OR4X1: variants seen among roughly 807,000 people sequenced by gnomAD.
The protein encoded by OR4X1 is olfactory receptor family 4 subfamily X member 1, also known as olfactory receptor 4X1.
For synonymous variants in OR4X1, 183 were observed against 142.6 expected (o/e 1.28, Z -2.02); for missense variants, 509 against 368.1 (o/e 1.38, Z -3.13).
At position 48,264,729 on chromosome 11, in the gene OR4X1, C is replaced by A. The variant is rs754972903; in HGVS notation, c.869C>A (p.Ala290Asp). The change falls in exon 1 of 1, where the codon GCT (alanine) becomes GAT (aspartate). Residue 290 changes from alanine (A) to aspartate (D), a missense_variant. By Grantham distance (126) the Ala-to-Asp change is moderately radical. Transcript: ENST00000320048. Reference sequence around the variant, plus strand: ...CCTGTGATTTACTCCTTCAGGAATGCTGAAGTGAAAAATGCCATGAGGAGA... The same window carrying A: ...CCTGTGATTTACTCCTTCAGGAATGATGAAGTGAAAAATGCCATGAGGAGA... ...LNPVIYSFRN[A>D]EVKNAMRRFI... 1.2e-6 allele frequency: 2 copies of A among 1,612,542 alleles called. No homozygotes were observed. Among genetic ancestry groups the A allele is most frequent in the South Asian group, 1.1e-5 (1 of 90,874 alleles).
At position 48,264,046 on chromosome 11, in the gene OR4X1, C is replaced by A. The variant is rs199551246; in HGVS notation, c.186C>A (p.Ser62Arg). The change falls in exon 1 of 1, where the codon AGC becomes AGA. Residue 62 changes from serine to arginine, a missense_variant. Transcript: ENST00000320048. ...CCTCCCCCATGTATTTCTTTCTCAG[C>A]TACTTATCCTTTGTGGAGATCTGCT... is the stretch of plus-strand genomic sequence containing the variant. Reference protein sequence around the residue: ...VLTSPMYFFLSYLSFVEICYC... With the variant: ...VLTSPMYFFLRYLSFVEICYC... 2 of 1,614,020 alleles carry A rather than the reference C, an allele frequency of 1.2e-6. No homozygotes were observed. The highest frequency in any genetic ancestry group is 4.5e-5 in the East Asian group (2 of 44,850).
In OR4X1 at chr11:48,263,958, A is replaced by G; in HGVS notation, c.98A>G (p.Tyr33Cys). 1 of 1,613,810 alleles carries G rather than the reference A, an allele frequency of 6.2e-7. No individual in the cohort carries two copies. The highest frequency in any genetic ancestry group is 8.5e-7 in the Non-Finnish European group (1 of 1,179,776). ...ATTTCTGTGATGTTTCTCCTCATGT[A>G]CACAGCTGTTGTGCTGGGCAATGGC... ...RVISVMFLLM[Y>C]TAVVLGNGLI... Residue 33 changes from tyrosine (Y) to cysteine (C), a missense_variant, in exon 1 of 1, where the codon TAC becomes TGC. By Grantham distance (194) the Tyr-to-Cys change is radical. Coordinates refer to ENST00000320048, the MANE Select transcript of OR4X1 (RefSeq NM_001004726.1).
chr11:48,264,320 T>C lies in OR4X1; in HGVS notation c.460T>C (p.Ser154Pro), dbSNP rs1276773989. The change falls in exon 1 of 1, where the codon TCT becomes CCT. Residue 154 changes from serine (S) to proline (P), a missense_variant. Transcript: ENST00000320048. ...AGCATGGGGCGGGGGCCTGCTGCAT[T>C]CTGTTGGGCAAACCTTCCTGATTTT... is the stretch of plus-strand genomic sequence containing the variant. ...RIAWGGGLLH[S>P]VGQTFLIFQL... 1.9e-5 allele frequency: 31 copies of C among 1,613,894 alleles called. No individual in the cohort carries two copies. The highest frequency in any genetic ancestry group is 2.6e-5 in the Non-Finnish European group (31 of 1,179,960).
Position 48,263,996 on chromosome 11 carries a change from A to G in OR4X1, c.136A>G (p.Thr46Ala), listed in dbSNP as rs1180023483. The G allele has an allele frequency of 1.2e-6, 2 of 1,613,964 alleles. No homozygotes were observed. Among genetic ancestry groups the G allele is most frequent in the East Asian group, 2.2e-5 (1 of 44,848 alleles). Residue 46 changes from threonine to alanine, a missense_variant, in exon 1 of 1, where the codon ACC (threonine) becomes GCC (alanine). Coordinates refer to ENST00000320048, the MANE Select transcript of OR4X1 (RefSeq NM_001004726.1). ...VVLGNGLIVV[T>A]ILASKVLTSP... The stretch of plus-strand genomic sequence containing the variant: ...GCTGGGCAATGGCCTCATTGTGGTG[A>G]CCATCCTGGCCAGCAAAGTGCTCAC...
Position 48,263,921 on chromosome 11 carries a change from G to C in OR4X1, c.61G>C (p.Glu21Gln). 1 of 1,613,998 alleles carries C rather than the reference G, an allele frequency of 6.2e-7. No individual in the cohort carries two copies. The change falls in exon 1 of 1, where the codon GAG (glutamate) becomes CAG (glutamine). Residue 21 changes from glutamate to glutamine, a missense_variant. Physicochemically the swap from Glu to Gln is conservative, Grantham distance 29. Coordinates refer to ENST00000320048, the MANE Select transcript of OR4X1 (RefSeq NM_001004726.1). ...IFVGFSQNWS[E>Q]QRVISVMFLL... ...CGTGGGATTTTCCCAGAATTGGAGTGAGCAGAGGGTCATTTCTGTGATGTT... is the reference window on the plus strand; with the variant it reads ...CGTGGGATTTTCCCAGAATTGGAGTCAGCAGAGGGTCATTTCTGTGATGTT...
rs773901923 is a variant in OR4X1, at chr11:48,264,695, C to T, written c.835C>T (p.Leu279Phe). The T allele has an allele frequency of 8.1e-6, 13 of 1,613,678 alleles. No individual in the cohort carries two copies. The African/African-American group carries it at 1.5e-4, about 18-fold the overall frequency. ...TGTATTTTATACAGTGGTCACACCTCTCTTAAACCCTGTGATTTACTCCTT... is the reference window on the plus strand; with the variant it reads ...TGTATTTTATACAGTGGTCACACCTTTCTTAAACCCTGTGATTTACTCCTT... ...VAVFYTVVTP[L>F]LNPVIYSFRN... Residue 279 changes from leucine to phenylalanine, a missense_variant, in exon 1 of 1, where the codon CTC (leucine) becomes TTC (phenylalanine). Physicochemically the swap from Leu to Phe is conservative, Grantham distance 22. Transcript: ENST00000320048.
rs1859323279 is a variant in OR4X1, at chr11:48,263,965, T to A, written c.105T>A (p.Ala35=). 6.2e-7 allele frequency: 1 copy of A among 1,613,860 alleles called. No homozygotes were observed. Among genetic ancestry groups the A allele is most frequent in the African/African-American group, 1.3e-5 (1 of 75,052 alleles). Residue 35 remains alanine, a synonymous_variant, in exon 1 of 1, where the codon GCT becomes GCA. Coordinates refer to ENST00000320048, the MANE Select transcript of OR4X1 (RefSeq NM_001004726.1). ...TGATGTTTCTCCTCATGTACACAGC[T>A]GTTGTGCTGGGCAATGGCCTCATTG... The part of the protein sequence containing the change: ...ISVMFLLMYT[A]VVLGNGLIVV...
In OR4X1 at chr11:48,264,742, T is replaced by A. The variant is rs1159531585; in HGVS notation, c.882T>A (p.Asn294Lys). 1 of 1,612,048 alleles carries A rather than the reference T, an allele frequency of 6.2e-7. No homozygotes were observed. The highest frequency in any genetic ancestry group is 1.7e-5 in the Admixed American group (1 of 59,814). Reference protein sequence around the residue: ...IYSFRNAEVKNAMRRFIGGKV... With the variant: ...IYSFRNAEVKKAMRRFIGGKV... ...CCTTCAGGAATGCTGAAGTGAAAAA[T>A]GCCATGAGGAGATTTATTGGGGGAA... The change falls in exon 1 of 1, where the codon AAT (asparagine) becomes AAA (lysine). Residue 294 changes from asparagine (N) to lysine (K), a missense_variant. Physicochemically the swap from Asn to Lys is moderately conservative, Grantham distance 94. Transcript: ENST00000320048.
At position 48,264,323 on chromosome 11, in the gene OR4X1, G is replaced by A. The variant is rs1439213141; in HGVS notation, c.463G>A (p.Val155Ile). 1.7e-5 allele frequency: 28 copies of A among 1,613,912 alleles called. No homozygotes were observed. Among genetic ancestry groups the A allele is most frequent in the African/African-American group, 5.3e-5 (4 of 74,900 alleles). ...ATGGGGCGGGGGCCTGCTGCATTCTGTTGGGCAAACCTTCCTGATTTTCCA... is the reference window on the plus strand; with the variant it reads ...ATGGGGCGGGGGCCTGCTGCATTCTATTGGGCAAACCTTCCTGATTTTCCA... ...IAWGGGLLHS[V>I]GQTFLIFQLP... Residue 155 changes from valine (V) to isoleucine (I), a missense_variant, in exon 1 of 1, where the codon GTT becomes ATT. Val to Ile is a conservative substitution (Grantham distance 29). Transcript: ENST00000320048.
Position 48,263,977 on chromosome 11 carries a change from C to T in OR4X1, c.117C>T (p.Gly39=). The change falls in exon 1 of 1, where the codon GGC becomes GGT. Residue 39 remains glycine (G), a synonymous_variant. Coordinates refer to ENST00000320048, the MANE Select transcript of OR4X1 (RefSeq NM_001004726.1). ...FLLMYTAVVL[G]NGLIVVTILA... ...TCATGTACACAGCTGTTGTGCTGGG[C>T]AATGGCCTCATTGTGGTGACCATCC... is the stretch of plus-strand genomic sequence containing the variant. 1 of 1,613,734 alleles carries T rather than the reference C, an allele frequency of 6.2e-7. No homozygotes were observed. Among genetic ancestry groups the T allele is most frequent in the Non-Finnish European group, 8.5e-7 (1 of 1,179,668 alleles).
chr11:48,263,900 G>A lies in OR4X1; in HGVS notation c.40G>A (p.Gly14Arg), dbSNP rs770150244. ...CAATGTGACTGAAATAATTTTCGTG[G>A]GATTTTCCCAGAATTGGAGTGAGCA... The part of the protein sequence containing the change: ...TNNVTEIIFV[G>R]FSQNWSEQRV... Residue 14 changes from glycine (G) to arginine (R), a missense_variant, in exon 1 of 1, where the codon GGA becomes AGA. Coordinates refer to ENST00000320048, the MANE Select transcript of OR4X1 (RefSeq NM_001004726.1). The A allele has an allele frequency of 2.5e-6, 4 of 1,613,558 alleles. No individual in the cohort carries two copies. The East Asian group carries it at 6.7e-5, about 27-fold the overall frequency.
In OR4X1 at chr11:48,264,692, CCTCT is replaced by C. The variant is rs750417998; in HGVS notation, c.835_838del (p.Leu279Ter). On this transcript the variant is annotated frameshift_variant, in exon 1 of 1. Coordinates refer to ENST00000320048, the MANE Select transcript of OR4X1 (RefSeq NM_001004726.1). LOFTEE classifies it low-confidence loss of function (END_TRUNC). The stretch of plus-strand genomic sequence containing the variant: ...TGCTGTATTTTATACAGTGGTCACA[CCTCT>C]CTTAAACCCTGTGATTTACTCCTTC... 23 of 1,613,586 alleles carry C rather than the reference CCTCT, an allele frequency of 1.4e-5. No individual in the cohort carries two copies. In the African/African-American group the frequency reaches 3.1e-4, roughly 22 times the overall value.
rs1156425796 is a variant in OR4X1, at chr11:48,264,145, C to A, written c.285C>A (p.Cys95Ter). The A allele has an allele frequency of 6.2e-7, 1 of 1,614,008 alleles. No individual in the cohort carries two copies. The highest frequency in any genetic ancestry group is 1.3e-5 in the African/African-American group (1 of 74,926). The change falls in exon 1 of 1, where the codon TGC (cysteine) becomes TGA (stop). Residue 95 changes from cysteine (C) to a stop codon, truncating the protein, a stop_gained. Coordinates refer to ENST00000320048, the MANE Select transcript of OR4X1 (RefSeq NM_001004726.1). LOFTEE classifies it low-confidence loss of function (END_TRUNC). Reference protein sequence around the residue: ...IKRKVISLKGCLTQMFSLHFF... With the variant: ...IKRKVISLKG The stretch of plus-strand genomic sequence containing the variant: ...GGAAAGTCATTTCTCTCAAGGGCTG[C>A]CTCACACAGATGTTTTCCCTCCATT...
chr11:48,264,535 C>T lies in OR4X1; in HGVS notation c.675C>T (p.Ser225=). 1 of 1,614,138 alleles carries T rather than the reference C, an allele frequency of 6.2e-7. No individual in the cohort carries two copies. ...TGATCATCCTGCACTTCCTGAGAAG[C>T]CACAACTTGGAGGGGCAGCACAAGG... The part of the protein sequence containing the change: ...SYLIILHFLR[S]HNLEGQHKAL... Residue 225 remains serine (S), a synonymous_variant, in exon 1 of 1, where the codon AGC becomes AGT. Transcript: ENST00000320048.
At position 48,264,767 on chromosome 11, in the gene OR4X1, A is replaced by G. The variant is rs1212438298; in HGVS notation, c.907A>G (p.Lys303Glu). The G allele has an allele frequency of 6.9e-6, 11 of 1,603,854 alleles. No individual in the cohort carries two copies. Among genetic ancestry groups the G allele is most frequent in the Non-Finnish European group, 9.4e-6 (11 of 1,172,346 alleles). The change falls in exon 1 of 1, where the codon AAA (lysine) becomes GAA (glutamate). Residue 303 changes from lysine (K) to glutamate (E), a missense_variant. Lys to Glu is a moderately conservative substitution (Grantham distance 56). Coordinates refer to ENST00000320048, the MANE Select transcript of OR4X1 (RefSeq NM_001004726.1). ...TGCCATGAGGAGATTTATTGGGGGAAAAGTAATTTGAGAAGAGAAGTAGAT... is the reference window on the plus strand; with the variant it reads ...TGCCATGAGGAGATTTATTGGGGGAGAAGTAATTTGAGAAGAGAAGTAGAT... ...KNAMRRFIGG[K>E]VI
In OR4X1 at chr11:48,264,514, C is replaced by G. The variant is rs1164632048; in HGVS notation, c.654C>G (p.Ile218Met). ...SFFVLMASYL[I>M]ILHFLRSHNL... ...TCGTGCTGATGGCTTCCTACCTGATCATCCTGCACTTCCTGAGAAGCCACA... is the reference window on the plus strand; with the variant it reads ...TCGTGCTGATGGCTTCCTACCTGATGATCCTGCACTTCCTGAGAAGCCACA... Residue 218 changes from isoleucine to methionine, a missense_variant, in exon 1 of 1, where the codon ATC becomes ATG. Ile to Met is a conservative substitution (Grantham distance 10). Coordinates refer to ENST00000320048, the MANE Select transcript of OR4X1 (RefSeq NM_001004726.1). 23 of 1,614,000 alleles carry G rather than the reference C, an allele frequency of 1.4e-5. No individual in the cohort carries two copies. Among genetic ancestry groups the G allele is most frequent in the Non-Finnish European group, 1.9e-5 (23 of 1,180,014 alleles).
chr11:48,264,439 T>C lies in OR4X1; in HGVS notation c.579T>C (p.Ile193=), dbSNP rs1034503899. ...TGGCCTGCGCAGACACCTTCTTCAT[T>C]AGCCTGCTGATCATCACCAATGGCG... ...LELACADTFF[I]SLLIITNGGS... is the part of the protein sequence containing the mutation. The change falls in exon 1 of 1, where the codon ATT becomes ATC. Residue 193 remains isoleucine (I), a synonymous_variant. Transcript: ENST00000320048. 6.3e-7 allele frequency: 1 copy of C among 1,589,380 alleles called. No individual in the cohort carries two copies. Among genetic ancestry groups the C allele is most frequent in the East Asian group, 2.2e-5 (1 of 44,676 alleles).
In OR4X1 at chr11:48,264,041, C is replaced by T. The variant is rs1233638431; in HGVS notation, c.181C>T (p.Leu61Phe). 3 of 1,614,066 alleles carry T rather than the reference C, an allele frequency of 1.9e-6. No homozygotes were observed. Among genetic ancestry groups the T allele is most frequent in the East Asian group, 2.2e-5 (1 of 44,850 alleles). The change falls in exon 1 of 1, where the codon CTC becomes TTC. Residue 61 changes from leucine (L) to phenylalanine (F), a missense_variant. Physicochemically the swap from Leu to Phe is conservative, Grantham distance 22. Transcript: ENST00000320048. ...KVLTSPMYFFLSYLSFVEICY... is the reference protein window; with the variant it reads ...KVLTSPMYFFFSYLSFVEICY... Reference sequence around the variant, plus strand: ...GCTCACCTCCCCCATGTATTTCTTTCTCAGCTACTTATCCTTTGTGGAGAT... The same window carrying T: ...GCTCACCTCCCCCATGTATTTCTTTTTCAGCTACTTATCCTTTGTGGAGAT...
chr11:48,263,982 G>A lies in OR4X1; in HGVS notation c.122G>A (p.Gly41Asp), dbSNP rs150903748. The change falls in exon 1 of 1, where the codon GGC (glycine) becomes GAC (aspartate). Residue 41 changes from glycine to aspartate, a missense_variant. Gly to Asp is a moderately conservative substitution (Grantham distance 94, BLOSUM62 -1). Coordinates refer to ENST00000320048, the MANE Select transcript of OR4X1 (RefSeq NM_001004726.1). ...TACACAGCTGTTGTGCTGGGCAATG[G>A]CCTCATTGTGGTGACCATCCTGGCC... ...LMYTAVVLGNGLIVVTILASK... is the reference protein window; with the variant it reads ...LMYTAVVLGNDLIVVTILASK... The A allele has an allele frequency of 8.7e-6, 14 of 1,613,760 alleles. No homozygotes were observed. The African/African-American group carries it at 1.6e-4, about 18-fold the overall frequency.
Sources: gnomAD v4.1 joint callset for allele counts on GRCh38, gnomAD v4.1.1 for gene constraint, MANE v1.5 for transcripts, NCBI Gene and HGNC (gene_info 2026-07-23, HGNC 2026-07-21) for gene names.